Variants in ADGRF5 observed in about 807,000 individuals in gnomAD.
The protein encoded by ADGRF5 is G-protein coupled receptor 116.
A neutral mutation model predicts 132.3 loss-of-function variants in ADGRF5; 75 were observed. That is an observed-to-expected ratio of 0.57 (90% CI 0.47 to 0.69). ADGRF5 has a LOEUF of 0.69. ADGRF5 is among the 30% of genes least tolerant of loss of function. ADGRF5 has a pLI of 0.00. For missense variants in ADGRF5, 1,516 were observed against 1,630.6 expected, an observed-to-expected ratio of 0.93 and a Z score of 1.21; for synonymous variants, 629 against 597.6, an observed-to-expected ratio of 1.05 and a Z score of -0.77.
intron 1 of ADGRF5, among the ~76,000 whole-genome samples, chr6:46,954,052 A>T (rs1778629229): frequency 6.6e-6 from 1 of 152,038 alleles, no homozygotes. Context: ...CTCAATGGTG[A>T]CCAACAAGAG....
At chr6:46,876,359 G>T (rs78662443) in intron 10 of ADGRF5, among the ~76,000 whole-genome samples, 5,954 of 152,308 alleles carry the variant, frequency 0.039, 125 homozygotes, top group Middle Eastern at 0.058. Flanking sequence ...GGGGTTGAAA[G>T]CTTCTAAGCC....
At chr6:46,936,028 A>G (rs1777806145) in intron 1 of ADGRF5, among the ~76,000 whole-genome samples, 1 of 152,226 alleles carries the variant, frequency 6.6e-6, no homozygotes, top group South Asian at 2.1e-4. Context: ...TTCCACACCT[A>G]TCTCAAAATT....
chr6:46,861,639 T>C (rs1477426415), intron 15 of ADGRF5, among the ~76,000 whole-genome samples: 4 of 152,204 alleles, frequency 2.6e-5, no homozygotes, highest in Non-Finnish European at 5.9e-5. Context: ...ATAAGCTCCT[T>C]AACAACATGG....
At chr6:46,953,683 A>ATATATATATATATATC (rs1778610624) in intron 1 of ADGRF5, among the ~76,000 whole-genome samples, 1 of 126,640 alleles carries the variant, frequency 7.9e-6, no homozygotes, top group African/African-American at 2.8e-5. Context: ...ATATATATAT[A>ATATATATATATATATC]TATATATCTC....
intron 1 of ADGRF5, among the ~76,000 whole-genome samples, chr6:46,932,274 T>C (rs1188337742): frequency 6.6e-6 from 1 of 152,202 alleles, no homozygotes; most frequent in Non-Finnish European, 1.5e-5. Flanking sequence ...CAGTGACTAA[T>C]GTGGAGGTAA....
chr6:46,889,371 C>A (rs540976307), intron 3 of ADGRF5, among the ~76,000 whole-genome samples: 3 of 146,194 alleles, frequency 2.1e-5, no homozygotes, highest in Non-Finnish European at 4.5e-5. Context: ...CATATACAGT[C>A]TATGTATAGA....
At chr6:46,913,425 G>T (rs939254353) in intron 1 of ADGRF5, among the ~76,000 whole-genome samples, 2 of 151,940 alleles carry the variant, frequency 1.3e-5, no homozygotes, top group African/African-American at 4.8e-5. Flanking sequence ...CTTCAACCCA[G>T]GAGGTGGAGA....
chr6:46,911,751 G>C lies in ADGRF5; in HGVS notation c.-24-4965C>G, dbSNP rs1775970974. On this transcript the variant is annotated intron_variant, in intron 1 of 20. Coordinates refer to ENST00000283296, the MANE Select transcript of ADGRF5 (RefSeq NM_001098518.2). ...TATTCATTTGTGTATTCCTTTACTG[G>C]AAAAACATTTATTAAGTCCTGTTAC... is the stretch of plus-strand genomic sequence containing the variant. 2.6e-5 allele frequency among the ~76,000 whole-genome samples: 4 copies of C among 152,074 alleles called. No homozygotes were observed. The South Asian group carries it at 8.4e-4, about 32-fold the overall frequency.
At chr6:46,875,038 G>T (rs1359727038) in intron 10 of ADGRF5, among the ~76,000 whole-genome samples, 1 of 152,176 alleles carries the variant, frequency 6.6e-6, no homozygotes, top group Admixed American at 6.5e-5. Context: ...AGACAGCCAT[G>T]CAAGATTCTG....
At chr6:46,904,810 C>A (rs547991933) in intron 2 of ADGRF5, among the ~76,000 whole-genome samples, 8 of 152,092 alleles carry the variant, frequency 5.3e-5, no homozygotes, top group Non-Finnish European at 8.8e-5. Context: ...CAGCTTAGGG[C>A]AGTATAAACT....
At chr6:46,885,032 T>C (rs1462510972) in intron 4 of ADGRF5, among the ~76,000 whole-genome samples, 2 of 151,884 alleles carry the variant, frequency 1.3e-5, no homozygotes, top group African/African-American at 4.8e-5. Flanking sequence ...CAAAACCCTA[T>C]CCTACAAACA....
intron 1 of ADGRF5, among the ~76,000 whole-genome samples, chr6:46,951,967 C>G (rs1389894144): frequency 6.6e-6 from 1 of 152,222 alleles, no homozygotes; most frequent in Admixed American, 6.5e-5. Flanking sequence ...TACCATGAAG[C>G]ATGAGAGAAT....
In ADGRF5 at chr6:46,877,289, T is replaced by TTC. The variant is rs71544214; in HGVS notation, c.1240+911_1240+912dup. 2.2e-3 allele frequency among the ~76,000 whole-genome samples: 151 copies of TTC among 68,108 alleles called. 5 individuals are homozygous for TTC. The highest frequency in any genetic ancestry group is 5.0e-3 in the African/African-American group (91 of 18,200). 44.7% of individuals were successfully genotyped at this position (68,108 alleles called of 152,430 possible). On this transcript the variant is annotated intron_variant, in intron 10 of 20. Transcript: ENST00000283296. ...TTTCTTTCTTTCTTTCTTTCTTTCTTTCTCTCTCTCTCTCTCTTTCCTTCC... is the reference window on the plus strand; with the variant it reads ...TTTCTTTCTTTCTTTCTTTCTTTCTTTCTCTCTCTCTCTCTCTCTTTCCTTCC...
At chr6:46,941,436 G>GAA (rs1158617823) in intron 1 of ADGRF5, among the ~76,000 whole-genome samples, 2 of 54,910 alleles carry the variant, frequency 3.6e-5, no homozygotes, top group South Asian at 5.5e-4. Flanking sequence ...GAAAAGAAAA[G>GAA]AAAAGAAAAG....
chr6:46,877,231 C>CTTTCTTTCT (rs1771775645), intron 10 of ADGRF5, among the ~76,000 whole-genome samples: 1 of 23,794 alleles, frequency 4.2e-5, no homozygotes, highest in Non-Finnish European at 8.2e-5. Context: ...TCCTCTCTTT[C>CTTTCTTTCT]TTTCTTTCTT....
intron 1 of ADGRF5, among the ~76,000 whole-genome samples, chr6:46,934,353 C>G (rs1777717606): frequency 6.6e-6 from 1 of 152,100 alleles, no homozygotes; most frequent in Non-Finnish European, 1.5e-5. Context: ...TATTGACTTT[C>G]CCCTCCATTA....
intron 6 of ADGRF5, among the ~76,000 whole-genome samples, chr6:46,882,347 G>A (rs1772568470): frequency 6.6e-6 from 1 of 152,036 alleles, no homozygotes; most frequent in Non-Finnish European, 1.5e-5. Flanking sequence ...GAAATGTCTA[G>A]GAAAGAAAAC....
intron 20 of ADGRF5, among the ~76,000 whole-genome samples, chr6:46,855,236 G>A (rs1469137490): frequency 6.6e-6 from 1 of 152,098 alleles, no homozygotes; most frequent in African/African-American, 2.4e-5. Context: ...ATCAATAATA[G>A]CAGGGTTGAC....
intron 1 of ADGRF5, among the ~76,000 whole-genome samples, chr6:46,916,464 G>A (rs908170065): frequency 2.0e-5 from 3 of 152,200 alleles, no homozygotes; most frequent in African/African-American, 7.2e-5. Context: ...CAATTCGACC[G>A]GGTACTAAGT....
Sources: gnomAD v4.1 joint callset for allele counts (sites outside exome capture counted in the v4.1 genomes callset) on GRCh38, gnomAD v4.1.1 for gene constraint, MANE v1.5 for transcripts, NCBI Gene and HGNC (gene_info 2026-07-23, HGNC 2026-07-21) for gene names.